The following RIC8B variants were observed in gnomAD, a reference collection of about 807,000 sequenced individuals.
RIC8B encodes the protein RIC8 guanine nucleotide exchange factor B, also known as chaperone Ric-8B.
Under a neutral mutation model 57.5 loss-of-function variants are expected in RIC8B, and 16 were observed. The observed-to-expected ratio is 0.28, with a 90% CI of 0.19 to 0.42. RIC8B has a LOEUF of 0.42. Ranked by LOEUF, RIC8B falls within the 10% of genes least tolerant of loss-of-function variation. The pLI is 1.00. For missense variants in RIC8B, 481 were observed against 677.0 expected, an observed-to-expected ratio of 0.71 and a Z score of 3.21; for synonymous variants, 216 against 250.8, an observed-to-expected ratio of 0.86 and a Z score of 1.31.
At chr12:106,878,888 A>C in intron 9 of RIC8B, 1 of 689,188 alleles carries the variant, frequency 1.5e-6, no homozygotes, top group Non-Finnish European at 1.8e-6. Context: ...GATCGGAACT[A>C]TTATGCAGTA....
intron 1 of RIC8B, among the ~76,000 whole-genome samples, chr12:106,779,336 A>G (rs1238691651): frequency 1.3e-5 from 2 of 151,518 alleles, no homozygotes; most frequent in African/African-American, 4.9e-5. Context: ...GGTTCAAGCG[A>G]TTCTCCTGCC....
chr12:106,811,929 A>G (rs887326740), intron 2 of RIC8B, among the ~76,000 whole-genome samples: 2 of 152,234 alleles, frequency 1.3e-5, no homozygotes, highest in Non-Finnish European at 2.9e-5. Context: ...AACAGATAGA[A>G]GAGCTACAAA....
chr12:106,871,172 C>T (rs1950387391), intron 9 of RIC8B: 1 of 345,628 alleles, frequency 2.9e-6, no homozygotes, highest in Non-Finnish European at 5.2e-6. Context: ...AAGATAGTAA[C>T]TACCAGAGCA....
intron 4 of RIC8B, among the ~76,000 whole-genome samples, chr12:106,827,489 A>G (rs2046160485): frequency 6.6e-6 from 1 of 152,180 alleles, no homozygotes; most frequent in African/African-American, 2.4e-5. Context: ...CTTAATTGTT[A>G]TTTTTCAATT....
At position 106,825,832 on chromosome 12, in the gene RIC8B, C is replaced by A; in HGVS notation, c.836+12C>A. The A allele has an allele frequency of 6.4e-7, 1 of 1,552,800 alleles. No individual in the cohort carries two copies. The highest frequency in any genetic ancestry group is 8.9e-7 in the Non-Finnish European group (1 of 1,124,142). Reference sequence around the variant, plus strand: ...GAAGAGCTACACAGGTGGGTAAGCTCTGTATTGATATCCCAATGAAGGACA... The same window carrying A: ...GAAGAGCTACACAGGTGGGTAAGCTATGTATTGATATCCCAATGAAGGACA... On this transcript the variant is annotated intron_variant, in intron 4 of 9. Coordinates refer to ENST00000392837, the MANE Select transcript of RIC8B (RefSeq NM_001330145.2).
At chr12:106,816,969 A>G (rs1287377013) in intron 3 of RIC8B, among the ~76,000 whole-genome samples, 1 of 152,222 alleles carries the variant, frequency 6.6e-6, no homozygotes, top group Non-Finnish European at 1.5e-5. Flanking sequence ...GTCAGTTGAT[A>G]TAGCCATTAT....
intron 2 of RIC8B, chr12:106,797,872 G>A: frequency 2.3e-6 from 1 of 443,272 alleles, no homozygotes; most frequent in East Asian, 3.5e-5. Flanking sequence ...AGCTTAGGCA[G>A]CCTGGCTCCA....
chr12:106,828,850 G>A (rs1340451908), intron 4 of RIC8B, among the ~76,000 whole-genome samples: 15 of 152,122 alleles, frequency 9.9e-5, no homozygotes, highest in Admixed American at 9.8e-4. Context: ...TGTTCATCCT[G>A]TGATCATGTA....
chr12:106,864,904 A>G (rs1418467364), intron 8 of RIC8B, among the ~76,000 whole-genome samples: 1 of 152,240 alleles, frequency 6.6e-6, no homozygotes, highest in South Asian at 2.1e-4. Context: ...AAATGGAATC[A>G]TATACAATAT....
chr12:106,779,639 A>G (rs1334750028), intron 1 of RIC8B, among the ~76,000 whole-genome samples: 1 of 151,958 alleles, frequency 6.6e-6, no homozygotes, highest in African/African-American at 2.4e-5. Context: ...AGAAGAAAAA[A>G]AAAAGCCTGC....
At chr12:106,825,973 A>G (rs987873458) in intron 4 of RIC8B, among the ~76,000 whole-genome samples, 153 bp downstream of exon 4, 6 of 152,234 alleles carry the variant, frequency 3.9e-5, no homozygotes, top group Non-Finnish European at 8.8e-5. Context: ...CATGGAAATC[A>G]TTACTATGCC....
chr12:106,784,969 T>C (rs1399096698), intron 2 of RIC8B, among the ~76,000 whole-genome samples: 1 of 152,198 alleles, frequency 6.6e-6, no homozygotes, highest in East Asian at 1.9e-4. Flanking sequence ...TCCTGACTGT[T>C]CTTTCATTTT....
At chr12:106,839,828 G>A (rs1341328511) in intron 4 of RIC8B, among the ~76,000 whole-genome samples, 1 of 152,096 alleles carries the variant, frequency 6.6e-6, no homozygotes, top group African/African-American at 2.4e-5. Flanking sequence ...CCAGCTTGGG[G>A]AGCATAGTGA....
In RIC8B at chr12:106,878,876, A is replaced by G. The variant is rs1033009292; in HGVS notation, c.1572-7028A>G. On this transcript the variant is annotated intron_variant, in intron 9 of 9. Coordinates refer to ENST00000392837, the MANE Select transcript of RIC8B (RefSeq NM_001330145.2). ...CATAGAACAAAATATGTTACATAAA[A>G]GGATCGGAACTATTATGCAGTACTC... The G allele has an allele frequency of 1.3e-5, 8 of 611,946 alleles. No homozygotes were observed. In the South Asian group the frequency reaches 5.8e-4, roughly 44 times the overall value. 37.9% of individuals were successfully genotyped at this position (611,946 alleles called of 1,614,324 possible).
At chr12:106,810,108 T>C (rs2045267120) in intron 2 of RIC8B, among the ~76,000 whole-genome samples, 1 of 150,470 alleles carries the variant, frequency 6.6e-6, no homozygotes, top group Non-Finnish European at 1.5e-5. Flanking sequence ...GCTTATTATG[T>C]CCCAGCGTCT....
At chr12:106,828,903 A>G (rs1400020125) in intron 4 of RIC8B, among the ~76,000 whole-genome samples, 1 of 152,190 alleles carries the variant, frequency 6.6e-6, no homozygotes, top group Non-Finnish European at 1.5e-5. Context: ...CTGAAGCCAG[A>G]TAAGTTCTAT....
intron 2 of RIC8B, among the ~76,000 whole-genome samples, chr12:106,784,287 A>T (rs1341568112): frequency 6.6e-6 from 1 of 151,990 alleles, no homozygotes; most frequent in East Asian, 1.9e-4. Flanking sequence ...AGTGGGAGGG[A>T]TTCAGAGGAG....
intron 8 of RIC8B, among the ~76,000 whole-genome samples, chr12:106,870,397 GTCA>G (rs1408020714): frequency 6.6e-6 from 1 of 152,004 alleles, no homozygotes; most frequent in Admixed American, 6.6e-5. Context: ...TAGCCTCTCT[GTCA>G]TCATTTTTCC....
chr12:106,799,056 T>C (rs1351238953), intron 2 of RIC8B, among the ~76,000 whole-genome samples: 1 of 152,198 alleles, frequency 6.6e-6, no homozygotes, highest in African/African-American at 2.4e-5. Flanking sequence ...TTGGGAACAT[T>C]TTCAGATACG....
Sources: allele counts gnomAD v4.1 joint callset (sites outside exome capture counted in the v4.1 genomes callset), GRCh38; gene constraint gnomAD v4.1.1; transcripts MANE v1.5; gene names NCBI Gene and HGNC (gene_info 2026-07-23, HGNC 2026-07-21).